The following MBP variants were observed in gnomAD, a reference collection of about 807,000 sequenced individuals.
MBP encodes the protein myelin basic protein, also known as Golli-MBP.
Under a neutral mutation model 35.8 loss-of-function variants are expected in MBP, and 16 were observed. That is an observed-to-expected ratio of 0.45 (90% CI 0.30 to 0.68). The LOEUF (loss-of-function observed/expected upper bound fraction) is 0.68. MBP is among the 30% of genes least tolerant of loss of function. The probability of loss-of-function intolerance (pLI) is 0.08; values close to 1 mark genes in which losing one functional copy is unlikely to be tolerated. For synonymous variants in MBP, 143 were observed against 159.6 expected (o/e 0.90, Z 0.78); for missense variants, 380 against 404.7 (o/e 0.94, Z 0.52).
intron 2 of MBP, among the ~76,000 whole-genome samples, chr18:77,097,733 A>T (rs1193463753): frequency 6.6e-6 from 1 of 152,100 alleles, no homozygotes; most frequent in Non-Finnish European, 1.5e-5. Context: ...TCTCCCAGCA[A>T]TCGCTCTGCG....
chr18:76,985,765 A>C (rs1969520324), intron 7 of MBP: 1 of 1,001,736 alleles, frequency 1.0e-6, no homozygotes, highest in South Asian at 4.3e-5. Context: ...TTCCTCATCT[A>C]CGCAATGGGG....
At chr18:77,042,225 C>G (rs1378248919) in intron 3 of MBP, among the ~76,000 whole-genome samples, 2 of 152,156 alleles carry the variant, frequency 1.3e-5, no homozygotes, top group African/African-American at 2.4e-5. Context: ...GTGGCATGCT[C>G]TCTTATCCTT....
rs80134870 is a variant in MBP at position 77,090,932 on chromosome 18, C to T, written c.51+14279G>A. 4.4e-3 allele frequency among the ~76,000 whole-genome samples: 666 copies of T among 152,316 alleles called. 25 individuals carry two copies. The East Asian group carries it at 0.074, about 17-fold the overall frequency. On this transcript the variant is annotated intron_variant, in intron 2 of 8. Transcript: ENST00000355994. ...CGGGGCAGAAGGGAGGAAGAGTTCC[C>T]GTGCTGGCACAGAGGTGGCAGGGGG...
At chr18:77,014,358 G>T (rs1971508283) in intron 4 of MBP, 4 of 985,232 alleles carry the variant, frequency 4.1e-6, no homozygotes, top group South Asian at 4.7e-5. Context: ...ATAGGGTCAT[G>T]GGGGGGCTCC....
intron 1 of MBP, among the ~76,000 whole-genome samples, chr18:77,125,939 C>T (rs1356421023): frequency 6.6e-6 from 1 of 151,032 alleles, no homozygotes; most frequent in Non-Finnish European, 1.5e-5. Flanking sequence ...AAGGAAATAC[C>T]CAAGAAAGAA....
chr18:77,035,195 GT>G (rs1972709324), intron 3 of MBP, among the ~76,000 whole-genome samples: 1 of 152,110 alleles, frequency 6.6e-6, no homozygotes. Flanking sequence ...TACGCATTCC[GT>G]ACTCATACTC....
At chr18:76,992,265 G>A (rs989424750) in intron 4 of MBP, among the ~76,000 whole-genome samples, 5 of 152,198 alleles carry the variant, frequency 3.3e-5, no homozygotes, top group Admixed American at 6.5e-5. Flanking sequence ...CAGATCATCA[G>A]GCATTAGATT....
chr18:77,009,295 G>GC (rs1971189758), intron 4 of MBP, among the ~76,000 whole-genome samples: 1 of 152,222 alleles, frequency 6.6e-6, no homozygotes, highest in Admixed American at 6.5e-5. Flanking sequence ...AAGAGGACAG[G>GC]CCACAGCGAT....
At chr18:77,003,227 T>TA (rs35341754) in intron 4 of MBP, 40,990 of 152,124 alleles carry the variant, frequency 0.27, 6,881 homozygotes, top group Admixed American at 0.4. Flanking sequence ...TGGCATCGTC[T>TA]GGACTGTCCT....
At position 77,131,521 on chromosome 18, in the gene MBP, G is replaced by A. The variant is rs1278013166; in HGVS notation, c.-26+1059C>T. 6.6e-6 allele frequency: 1 copy of A among 152,016 alleles called. No homozygotes were observed. Among genetic ancestry groups the A allele is most frequent in the African/African-American group, 2.4e-5 (1 of 41,364 alleles). The allele number at this position is 152,016 out of a possible 1,614,324, so 9.4% of individuals were successfully genotyped here. A position where few individuals can be genotyped will look rare whatever the true frequency, so the allele number is the denominator to read the frequency against. ...CCTCACCCACGCGCAGAGAAACCGA[G>A]CACTTGTTGATTCTCACGTTGTTGC... On this transcript the variant is annotated intron_variant, in intron 1 of 8. Transcript: ENST00000355994. This position sits in a 1 kb window ranked among gnomAD's most constrained non-coding sequence, Gnocchi z 5.5.
At chr18:77,125,394 GT>G (rs1977015697) in intron 1 of MBP, among the ~76,000 whole-genome samples, 1 of 151,960 alleles carries the variant, frequency 6.6e-6, no homozygotes, top group Admixed American at 6.5e-5. Flanking sequence ...ATCAAAAAAA[GT>G]AACACATTCT....
At chr18:77,030,898 G>A (rs1297170082) in intron 3 of MBP, among the ~76,000 whole-genome samples, 3 of 152,154 alleles carry the variant, frequency 2.0e-5, no homozygotes, top group African/African-American at 7.2e-5. Context: ...AGTTGTCACT[G>A]CAAAATAAGA....
At chr18:77,048,621 G>T (rs796182118) in intron 3 of MBP, among the ~76,000 whole-genome samples, 5 of 151,968 alleles carry the variant, frequency 3.3e-5, no homozygotes, top group Non-Finnish European at 5.9e-5. Flanking sequence ...CCGCCACCAC[G>T]GCCGGCTAAT....
intron 3 of MBP, among the ~76,000 whole-genome samples, chr18:77,060,448 CTTT>C (rs74182682): frequency 5.1e-5 from 5 of 97,618 alleles, no homozygotes; most frequent in African/African-American, 1.9e-4. Flanking sequence ...TCTCTCTCTC[CTTT>C]TTTTTTTTTT....
intron 3 of MBP, among the ~76,000 whole-genome samples, chr18:77,055,585 TTCTCTC>T: frequency 6.6e-6 from 1 of 151,186 alleles, no homozygotes; most frequent in Admixed American, 6.6e-5. Context: ...TTCTCTTTCT[TTCTCTC>T]TCTCTCTCTC....
intron 2 of MBP, among the ~76,000 whole-genome samples, chr18:77,076,749 A>C (rs945578294): frequency 9.2e-5 from 14 of 152,176 alleles, no homozygotes; most frequent in African/African-American, 3.1e-4. Flanking sequence ...CCACTCACAT[A>C]AACTTTTGAG....
At chr18:77,024,861 C>T (rs1972139342) in intron 3 of MBP, among the ~76,000 whole-genome samples, 1 of 152,230 alleles carries the variant, frequency 6.6e-6, no homozygotes, top group African/African-American at 2.4e-5. Context: ...CTATTCTTAC[C>T]TGAAATAACC....
At chr18:77,046,357 C>A (rs1194684056) in intron 3 of MBP, among the ~76,000 whole-genome samples, 1 of 152,196 alleles carries the variant, frequency 6.6e-6, no homozygotes, top group African/African-American at 2.4e-5. Context: ...ACTTTTCTTC[C>A]CACTTTAAGT....
intron 4 of MBP, among the ~76,000 whole-genome samples, chr18:76,997,739 G>T (rs1279078344): frequency 2.6e-5 from 4 of 151,174 alleles, no homozygotes; most frequent in Admixed American, 6.6e-5. Flanking sequence ...CTGGAGTGCA[G>T]TGGCGCGACC....
Sources: allele counts gnomAD v4.1 joint callset (sites outside exome capture counted in the v4.1 genomes callset), GRCh38; gene constraint gnomAD v4.1.1; non-coding constraint Gnocchi (gnomAD v3.1); transcripts MANE v1.5; gene names NCBI Gene and HGNC (gene_info 2026-07-23, HGNC 2026-07-21).